OTUD4: variants seen among roughly 807,000 people sequenced by gnomAD.
The protein encoded by OTUD4 is OTU deubiquitinase 4.
OTUD4 carries 24 observed loss-of-function variants against 130.4 expected under a neutral mutation model. The ratio of observed to expected loss-of-function variants is 0.18; its 90% CI spans 0.13 to 0.26. The LOEUF (loss-of-function observed/expected upper bound fraction) is 0.26. Among genes scored for constraint, OTUD4 ranks in the 10% least tolerant of loss-of-function variants. The probability of loss-of-function intolerance (pLI) is 1.00; values close to 1 mark genes in which losing one functional copy is unlikely to be tolerated. For synonymous variants in OTUD4, 420 were observed against 472.5 expected, an observed-to-expected ratio of 0.89 and a Z score of 1.44; for missense variants, 1,031 against 1,329.4, an observed-to-expected ratio of 0.78 and a Z score of 3.49.
At chr4:145,156,080 G>T in intron 7 of OTUD4, 84 bp from the exon 8 acceptor site, 1 of 1,053,288 alleles carries the variant, frequency 9.5e-7, no homozygotes, top group Non-Finnish European at 1.4e-6. Context: ...CGTCTTCAAA[G>T]TCAGAACTAT....
intron 20 of OTUD4, among the ~76,000 whole-genome samples, chr4:145,139,584 C>G (rs1750458503): frequency 6.6e-6 from 1 of 152,164 alleles, no homozygotes; most frequent in East Asian, 1.9e-4. Context: ...AAAAGCTAGG[C>G]CCAGATACAC....
At chr4:145,160,295 A>T (rs535833080) in intron 6 of OTUD4, among the ~76,000 whole-genome samples, 1 of 152,318 alleles carries the variant, frequency 6.6e-6, no homozygotes, top group African/African-American at 2.4e-5. Context: ...TTAATTTTAC[A>T]TAAGGAACTA....
intron 1 of OTUD4, chr4:145,179,447 G>C (rs1359106536): frequency 4.2e-6 from 1 of 236,178 alleles, no homozygotes; most frequent in Non-Finnish European, 7.7e-6. Context: ...GGGTGAGCGT[G>C]GTGCTTCTCA....
intron 7 of OTUD4, chr4:145,159,289 C>A: frequency 7.4e-7 from 1 of 1,355,216 alleles, no homozygotes; most frequent in Non-Finnish European, 9.5e-7. Context: ...TTCTCATCAA[C>A]CAAAAACACC....
chr4:145,137,865 T>C lies in OTUD4; in HGVS notation c.2910A>G (p.Arg970=). The change falls in exon 21 of 21, where the codon AGA becomes AGG. Residue 970 remains arginine, a synonymous_variant. Transcript: ENST00000447906. ...KAHPPTQILN[R]ERETVPVELE... The stretch of plus-strand genomic sequence containing the variant: ...GTTCAACAGGCACAGTTTCTCTCTC[T>C]CTGTTTAGAATCTGAGTGGGAGGAT... 1 of 1,614,100 alleles carries C rather than the reference T, an allele frequency of 6.2e-7. No individual in the cohort carries two copies. Among genetic ancestry groups the C allele is most frequent in the Non-Finnish European group, 8.5e-7 (1 of 1,179,986 alleles).
rs893835387 is a variant in OTUD4, at chr4:145,136,105, AAG to A, written c.*1323_*1324del. 1.3e-5 allele frequency: 2 copies of A among 152,620 alleles called. No individual in the cohort carries two copies. The highest frequency in any genetic ancestry group is 2.9e-5 in the Non-Finnish European group (2 of 68,020). The allele number at this position is 152,620 out of a possible 1,614,324, so 9.5% of individuals were successfully genotyped here. On this transcript the variant is annotated 3_prime_UTR_variant, in exon 21 of 21. Transcript: ENST00000447906. ...TCAGAAGATAATCTCAACATAATAA[AAG>A]AGTGGATTTTCACATTGGTATGCAC...
intron 15 of OTUD4, 97 bp downstream of exon 15, chr4:145,144,214 T>C: frequency 7.4e-7 from 1 of 1,350,806 alleles, no homozygotes; most frequent in Non-Finnish European, 1.0e-6. Context: ...ATAAACTACT[T>C]AACAACTTAA....
At position 145,137,942 on chromosome 4, in the gene OTUD4, T is replaced by G; in HGVS notation, c.2833A>C (p.Lys945Gln). The G allele has an allele frequency of 6.2e-7, 1 of 1,614,138 alleles. No homozygotes were observed. Among genetic ancestry groups the G allele is most frequent in the Non-Finnish European group, 8.5e-7 (1 of 1,180,028 alleles). ...GRTEQSSQTR[K>Q]ADTALASIPP... is the part of the protein sequence containing the mutation. ...ATGGAAGCCAATGCCGTATCTGCCT[T>G]TCGTGTCTGGGAAGATTGCTCTGTC... Residue 945 changes from lysine (K) to glutamine (Q), a missense_variant, in exon 21 of 21, where the codon AAG becomes CAG. Physicochemically the swap from Lys to Gln is moderately conservative, Grantham distance 53. This residue lies in a region of OTUD4 where 900 missense variants were observed against 1,095.9 expected (regional missense o/e 0.82). Transcript: ENST00000447906.
chr4:145,147,513 A>C (rs1267946567), intron 13 of OTUD4, among the ~76,000 whole-genome samples: 1 of 152,224 alleles, frequency 6.6e-6, no homozygotes, highest in Non-Finnish European at 1.5e-5. Context: ...TCATCCAAAA[A>C]AAATGACCAC....
intron 10 of OTUD4, among the ~76,000 whole-genome samples, chr4:145,154,347 T>C (rs1751187926): frequency 6.6e-6 from 1 of 152,236 alleles, no homozygotes; most frequent in African/African-American, 2.4e-5. Flanking sequence ...GAACCAGAAC[T>C]ATTGAAGGTT....
In OTUD4 at chr4:145,137,269, C is replaced by G. The variant is rs1750319328; in HGVS notation, c.*161G>C. 1.7e-6 allele frequency: 1 copy of G among 590,198 alleles called. No individual in the cohort carries two copies. The allele number at this position is 590,198 out of a possible 1,614,324, so 36.6% of individuals were successfully genotyped here. On this transcript the variant is annotated 3_prime_UTR_variant, in exon 21 of 21. Coordinates refer to ENST00000447906, the MANE Select transcript of OTUD4 (RefSeq NM_001366057.1). ...CCAGGAATTAACCTGCCCCCTTGAA[C>G]TCATGTCCAAAATGTCTTGTCCAGT...
rs547278732 is a variant in OTUD4, at chr4:145,173,120, G to A, written c.244-1400C>T. ...AATTATATGGACTAAGGCCAGGCAC[G>A]GTGGCTCACGCCTGTAATCCCAGCA... On this transcript the variant is annotated intron_variant, in intron 2 of 20. Transcript: ENST00000447906. Among the ~76,000 whole-genome samples, 6 of 152,288 alleles carry A rather than the reference G, an allele frequency of 3.9e-5. No homozygotes were observed. In the South Asian group the frequency reaches 6.2e-4, roughly 16 times the overall value.
At position 145,174,648 on chromosome 4, in the gene OTUD4, A is replaced by T; in HGVS notation, c.243+13T>A. 6.7e-7 allele frequency: 1 copy of T among 1,484,650 alleles called. No individual in the cohort carries two copies. Among genetic ancestry groups the T allele is most frequent in the Non-Finnish European group, 9.4e-7 (1 of 1,061,832 alleles). 92.0% of individuals were successfully genotyped at this position (1,484,650 alleles called of 1,614,324 possible). A position where few individuals can be genotyped will look rare whatever the true frequency, so the allele number is the denominator to read the frequency against. On this transcript the variant is annotated intron_variant, in intron 2 of 20. Coordinates refer to ENST00000447906, the MANE Select transcript of OTUD4 (RefSeq NM_001366057.1). ...AGTCAAGACACCATTACATGTTTGA[A>T]ATTACAAGTTACCGCTTCAAATTTC...
chr4:145,134,386 G>A lies in OTUD4; in HGVS notation c.*3044C>T, dbSNP rs1351935440. 1 of 251,132 alleles carries A rather than the reference G, an allele frequency of 4.0e-6. No homozygotes were observed. Among genetic ancestry groups the A allele is most frequent in the East Asian group, 7.0e-5 (1 of 14,314 alleles). The allele number at this position is 251,132 out of a possible 1,614,324, so 15.6% of individuals were successfully genotyped here. A position where few individuals can be genotyped will look rare whatever the true frequency, so the allele number is the denominator to read the frequency against. On this transcript the variant is annotated 3_prime_UTR_variant, in exon 21 of 21. Transcript: ENST00000447906. ...AACATTTACCTCATCTAAAAATGAAGGTAAAACGAAAGAGGCAAAAATAAA... is the reference window on the plus strand; with the variant it reads ...AACATTTACCTCATCTAAAAATGAAAGTAAAACGAAAGAGGCAAAAATAAA...
At chr4:145,150,427 T>C (rs1751014110) in intron 13 of OTUD4, 86 bp downstream of exon 13, 5 of 912,926 alleles carry the variant, frequency 5.5e-6, no homozygotes, top group Admixed American at 4.3e-5. Flanking sequence ...TAAAAAGTTA[T>C]AATTATTCAA....
rs1358276771 is a variant in OTUD4 at position 145,171,531 on chromosome 4, G to A, written c.294+139C>T. 3 of 533,860 alleles carry A rather than the reference G, an allele frequency of 5.6e-6. No homozygotes were observed. The African/African-American group carries it at 5.9e-5, about 10-fold the overall frequency. 33.1% of individuals were successfully genotyped at this position (533,860 alleles called of 1,614,324 possible). A position where few individuals can be genotyped will look rare whatever the true frequency, so the allele number is the denominator to read the frequency against. ...CTTAAGTGCTGCATAAAATGTGTAG[G>A]AAACGTTTATAAGGAAATAGGATAC... On this transcript the variant is annotated intron_variant, in intron 3 of 20. Coordinates refer to ENST00000447906, the MANE Select transcript of OTUD4 (RefSeq NM_001366057.1).
intron 3 of OTUD4, among the ~76,000 whole-genome samples, chr4:145,165,563 T>C (rs954540233): frequency 9.9e-5 from 15 of 152,046 alleles, no homozygotes; most frequent in African/African-American, 3.4e-4. Flanking sequence ...CCGCAACCTC[T>C]GCCTCCGAGG....
rs747761329 is a variant in OTUD4 at position 145,146,373 on chromosome 4, T to C, written c.1316A>G (p.Tyr439Cys). 3 of 1,590,810 alleles carry C rather than the reference T, an allele frequency of 1.9e-6. No individual in the cohort carries two copies. Among genetic ancestry groups the C allele is most frequent in the Non-Finnish European group, 2.6e-6 (3 of 1,171,282 alleles). The change falls in exon 14 of 21, where the codon TAT becomes TGT. Residue 439 changes from tyrosine (Y) to cysteine (C), a missense_variant. By Grantham distance (194) the Tyr-to-Cys change is radical. This residue lies in a region of OTUD4 where 900 missense variants were observed against 1,095.9 expected (regional missense o/e 0.82). Coordinates refer to ENST00000447906, the MANE Select transcript of OTUD4 (RefSeq NM_001366057.1). ...GCGCTCTTCTGGGGAAAGGCCGAAA[T>C]AGTTAGATTCTCGACTTGTGTGATC... ...DFDHTSRESN[Y>C]FGLSPEERRE... is the part of the protein sequence containing the mutation.
At chr4:145,176,452 G>A (rs1752428497) in intron 1 of OTUD4, among the ~76,000 whole-genome samples, 1 of 151,368 alleles carries the variant, frequency 6.6e-6, no homozygotes, top group South Asian at 2.1e-4. Flanking sequence ...TTGGGAGGCC[G>A]AGGAGGGTGG....
Sources: allele counts gnomAD v4.1 joint callset (sites outside exome capture counted in the v4.1 genomes callset), GRCh38; gene constraint gnomAD v4.1.1; regional missense constraint gnomAD v4.1.1; transcripts MANE v1.5; gene names NCBI Gene and HGNC (gene_info 2026-07-23, HGNC 2026-07-21).